PCDHGB6: variants seen among roughly 807,000 people sequenced by gnomAD.
PCDHGB6 encodes protocadherin gamma-B6.
A neutral mutation model predicts 59.1 loss-of-function variants in PCDHGB6; 51 were observed. The ratio of observed to expected loss-of-function variants is 0.86; its 90% CI spans 0.69 to 1.09. PCDHGB6 has a LOEUF of 1.09. PCDHGB6 is among the 50% of genes least tolerant of loss of function. The probability of loss-of-function intolerance (pLI) is 0.00; values close to 1 mark genes in which losing one functional copy is unlikely to be tolerated. For synonymous variants in PCDHGB6, 466 were observed against 495.1 expected, an observed-to-expected ratio of 0.94 and a Z score of 0.78; for missense variants, 1,148 against 1,205.1, an observed-to-expected ratio of 0.95 and a Z score of 0.70.
Position 141,431,583 on chromosome 5 carries a change from C to A in PCDHGB6, c.2418+20963C>A, listed in dbSNP as rs771534481. On this transcript the variant is annotated intron_variant, in intron 1 of 3. Transcript: ENST00000520790. The surrounding 1 kb of genome is among the most constrained non-coding windows in gnomAD (Gnocchi z 4.8). ...ACCGACCCTGACGAAGGAGTCAATGCGGAAGTGAGGTATTCCTTCCGGTAT... is the reference window on the plus strand; with the variant it reads ...ACCGACCCTGACGAAGGAGTCAATGAGGAAGTGAGGTATTCCTTCCGGTAT... The A allele has an allele frequency of 1.1e-5, 18 of 1,614,008 alleles. No individual in the cohort carries two copies. In the South Asian group the frequency reaches 1.2e-4, roughly 11 times the overall value.
At chr5:141,483,104 A>G (rs2099577128) in intron 1 of PCDHGB6, among the ~76,000 whole-genome samples, 1 of 152,140 alleles carries the variant, frequency 6.6e-6, no homozygotes, top group African/African-American at 2.4e-5. Flanking sequence ...GTGTGCGTGT[A>G]AAACAGACAG....
chr5:141,470,022 G>A (rs892106953), intron 1 of PCDHGB6, among the ~76,000 whole-genome samples: 2 of 152,188 alleles, frequency 1.3e-5, no homozygotes, highest in African/African-American at 2.4e-5. Context: ...CCAGCTACTC[G>A]GGATGCTGAG....
chr5:141,496,225 G>C (rs112222482), intron 2 of PCDHGB6, among the ~76,000 whole-genome samples: 178 of 152,276 alleles, frequency 1.2e-3, no homozygotes, highest in Non-Finnish European at 1.8e-3. Context: ...TGCTGAGACA[G>C]GAACCCCCTG....
intron 1 of PCDHGB6, among the ~76,000 whole-genome samples, chr5:141,464,504 T>A (rs1264652523): frequency 6.6e-6 from 1 of 152,046 alleles, no homozygotes; most frequent in Non-Finnish European, 1.5e-5. Context: ...GATTGCTGCA[T>A]CATAAGGTAA....
chr5:141,430,992 A>G (rs1223969128), intron 1 of PCDHGB6: 2 of 1,613,824 alleles, frequency 1.2e-6, no homozygotes, highest in Admixed American at 3.3e-5. Context: ...TTCGCCCTGA[A>G]TCCGCGCAGC....
chr5:141,492,043 TC>T (rs1323524482), intron 1 of PCDHGB6: 5 of 518,152 alleles, frequency 9.6e-6, no homozygotes, highest in Non-Finnish European at 1.7e-5. Context: ...CAGTCACAGA[TC>T]CACCCCTGCA....
chr5:141,432,686 G>A lies in PCDHGB6; in HGVS notation c.2418+22066G>A. On this transcript the variant is annotated intron_variant, in intron 1 of 3. Transcript: ENST00000520790. The surrounding 1 kb of genome is among the most constrained non-coding windows in gnomAD (Gnocchi z 6.0). The stretch of plus-strand genomic sequence containing the variant: ...CAGAGACGCGCTCAAGCAGAGCCTC[G>A]TAGTGGCCGTCCAGGACCACGGCCA... 2 of 1,613,922 alleles carry A rather than the reference G, an allele frequency of 1.2e-6. No homozygotes were observed. The highest frequency in any genetic ancestry group is 1.7e-5 in the Admixed American group (1 of 60,020).
chr5:141,421,885 G>A (rs2096608692), intron 1 of PCDHGB6: 1 of 1,613,574 alleles, frequency 6.2e-7, no homozygotes, highest in African/African-American at 1.3e-5. Context: ...AGATGGAGGC[G>A]ATCCCATCCG....
intron 1 of PCDHGB6, chr5:141,426,979 A>G (rs762085745): frequency 4.2e-5 from 19 of 456,640 alleles, no homozygotes; most frequent in Non-Finnish European, 7.5e-5. Flanking sequence ...GAGGTCACTG[A>G]TGCCAACGAT....
intron 1 of PCDHGB6, chr5:141,427,988 T>C (rs555561265): frequency 6.3e-7 from 1 of 1,598,504 alleles, no homozygotes; most frequent in South Asian, 1.1e-5. Context: ...TGGGGCCCGA[T>C]GGCTCCGCAC....
chr5:141,412,902 T>G, intron 1 of PCDHGB6: 1 of 371,284 alleles, frequency 2.7e-6, no homozygotes, highest in East Asian at 4.2e-5. Flanking sequence ...TACTTTCCAT[T>G]GCATGTATCA....
chr5:141,422,069 C>A, intron 1 of PCDHGB6: 3 of 1,611,836 alleles, frequency 1.9e-6, no homozygotes, highest in Non-Finnish European at 2.5e-6. Flanking sequence ...GTAATGTATT[C>A]ATTTCGGAAC....
chr5:141,497,885 A>T (rs1469477968), intron 2 of PCDHGB6, among the ~76,000 whole-genome samples: 1 of 152,166 alleles, frequency 6.6e-6, no homozygotes, highest in Non-Finnish European at 1.5e-5. Flanking sequence ...AAGCGTTAGG[A>T]TCTAGTCCAG....
Position 141,409,334 on chromosome 5 carries a change from G to A in PCDHGB6, c.1132G>A (p.Gly378Arg), listed in dbSNP as rs767579166. 1 of 1,613,974 alleles carries A rather than the reference G, an allele frequency of 6.2e-7. No homozygotes were observed. The highest frequency in any genetic ancestry group is 1.1e-5 in the South Asian group (1 of 91,082). Residue 378 changes from glycine (G) to arginine (R), a missense_variant, in exon 1 of 4, where the codon GGA becomes AGA. Physicochemically the swap from Gly to Arg is moderately radical, Grantham distance 125. This residue lies in a region of PCDHGB6 where 549 missense variants were observed against 527.5 expected (regional missense o/e 1.04). Coordinates refer to ENST00000520790, the MANE Select transcript of PCDHGB6 (RefSeq NM_018926.3). The part of the protein sequence containing the change: ...LFKTRDLDFG[G>R]NGEVRCNIET... The stretch of plus-strand genomic sequence containing the variant: ...CAAAACACGGGATCTGGATTTCGGA[G>A]GAAATGGAGAAGTCAGGTGTAATAT...
At position 141,491,724 on chromosome 5, in the gene PCDHGB6, G is replaced by A; in HGVS notation, c.2419-3083G>A. ...AGGTGAGGGGCTCGGCGCCGCCCCGGGCGACCCCTGGGGGCGGCACTGGAG... is the reference window on the plus strand; with the variant it reads ...AGGTGAGGGGCTCGGCGCCGCCCCGAGCGACCCCTGGGGGCGGCACTGGAG... On this transcript the variant is annotated intron_variant, in intron 1 of 3. Coordinates refer to ENST00000520790, the MANE Select transcript of PCDHGB6 (RefSeq NM_018926.3). This position sits in a 1 kb window ranked among gnomAD's most constrained non-coding sequence, Gnocchi z 6.9. 1 of 1,606,454 alleles carries A rather than the reference G, an allele frequency of 6.2e-7. No individual in the cohort carries two copies. The highest frequency in any genetic ancestry group is 1.1e-5 in the South Asian group (1 of 90,304).
chr5:141,486,017 A>C lies in PCDHGB6; in HGVS notation c.2419-8790A>C, dbSNP rs746747518. 1 of 1,614,176 alleles carries C rather than the reference A, an allele frequency of 6.2e-7. No homozygotes were observed. The highest frequency in any genetic ancestry group is 8.5e-7 in the Non-Finnish European group (1 of 1,180,038). ...CAGTGGTAACGTCACCTTTTATTTC[A>C]GTGGTCATACCCCTGATCGTGTAAG... On this transcript the variant is annotated intron_variant, in intron 1 of 3. Coordinates refer to ENST00000520790, the MANE Select transcript of PCDHGB6 (RefSeq NM_018926.3). This position sits in a 1 kb window ranked among gnomAD's most constrained non-coding sequence, Gnocchi z 5.0.
chr5:141,465,501 C>T (rs1044567555), intron 1 of PCDHGB6, among the ~76,000 whole-genome samples: 1 of 152,164 alleles, frequency 6.6e-6, no homozygotes, highest in Non-Finnish European at 1.5e-5. Context: ...GGAGCATTGT[C>T]GTGGTCAGGA....
intron 1 of PCDHGB6, among the ~76,000 whole-genome samples, chr5:141,474,234 T>C (rs1458919904): frequency 6.6e-6 from 1 of 152,204 alleles, no homozygotes; most frequent in Non-Finnish European, 1.5e-5. Flanking sequence ...TAAGTGATGC[T>C]GAATAGGGGA....
rs201704748 is a variant in PCDHGB6, at chr5:141,431,453, G to A, written c.2418+20833G>A. The A allele has an allele frequency of 5.7e-4, 914 of 1,613,802 alleles. 10 individuals are homozygous for A. The South Asian group carries it at 9.6e-3, about 17-fold the overall frequency. ...AGGCACCGCGCGCATCCGCGTGATG[G>A]TTCTGGATGCGAACGACAACGCACC... On this transcript the variant is annotated intron_variant, in intron 1 of 3. Coordinates refer to ENST00000520790, the MANE Select transcript of PCDHGB6 (RefSeq NM_018926.3). This position sits in a 1 kb window ranked among gnomAD's most constrained non-coding sequence, Gnocchi z 4.8.
Sources: gnomAD v4.1 joint callset for allele counts (sites outside exome capture counted in the v4.1 genomes callset) on GRCh38, gnomAD v4.1.1 for gene constraint, gnomAD v4.1.1 regional missense constraint, Gnocchi (gnomAD v3.1) non-coding constraint, MANE v1.5 for transcripts, NCBI Gene and HGNC (gene_info 2026-07-23, HGNC 2026-07-21) for gene names.